The following VWA8 variants were observed in gnomAD, a reference collection of about 807,000 sequenced individuals.
VWA8 encodes the protein von Willebrand factor A domain-containing protein 8.
In VWA8, 221 loss-of-function variants were observed where a neutral mutation model predicts 241.5. That is an observed-to-expected ratio of 0.91 (90% confidence interval 0.82 to 1.02). The LOEUF is 1.02. Ranked by LOEUF, VWA8 falls within the 50% of genes least tolerant of loss-of-function variation. The pLI, the probability that VWA8 is intolerant of heterozygous loss-of-function variation, is 0.00. For synonymous variants in VWA8, 852 were observed against 827.1 expected, an observed-to-expected ratio of 1.03 and a Z score of -0.52; for missense variants, 2,322 against 2,328.7, an observed-to-expected ratio of 1.00 and a Z score of 0.06.
At chr13:41,639,504 T>G (rs2044781291) in intron 37 of VWA8, among the ~76,000 whole-genome samples, 1 of 152,220 alleles carries the variant, frequency 6.6e-6, no homozygotes, top group African/African-American at 2.4e-5. Context: ...TTTCTCCACC[T>G]GCTAACCTGT....
At chr13:41,691,791 T>A (rs2045179724) in intron 31 of VWA8, 83 bp downstream of exon 31, 2 of 1,112,754 alleles carry the variant, frequency 1.8e-6, no homozygotes, top group Non-Finnish European at 2.7e-6. Flanking sequence ...ATTCACTTTA[T>A]AGTAAACAAG....
At chr13:41,833,277 TA>T (rs772578842) in intron 13 of VWA8, 93 bp downstream of exon 13, 19 of 1,392,700 alleles carry the variant, frequency 1.4e-5, no homozygotes, top group Non-Finnish European at 1.6e-5. Flanking sequence ...CAACCCAGTT[TA>T]AAAAAAAGAA....
chr13:41,925,059 T>G (rs776219338), intron 2 of VWA8, among the ~76,000 whole-genome samples: 2 of 152,196 alleles, frequency 1.3e-5, no homozygotes, highest in Non-Finnish European at 2.9e-5. Flanking sequence ...ATTAGACTAT[T>G]AGATTTCTCT....
intron 2 of VWA8, among the ~76,000 whole-genome samples, chr13:41,919,956 A>G (rs2138124210): frequency 6.6e-6 from 1 of 152,252 alleles, no homozygotes; most frequent in Admixed American, 6.5e-5. Flanking sequence ...CAAATGGCCA[A>G]AGGGCCTTTC....
At chr13:41,748,689 C>G (rs2045629677) in intron 21 of VWA8, among the ~76,000 whole-genome samples, 1 of 152,082 alleles carries the variant, frequency 6.6e-6, no homozygotes. Flanking sequence ...GAACAGAGCC[C>G]TCAGAAATAA....
rs149755134 is a variant in VWA8, at chr13:41,883,806, T to G, written c.976-315A>C. Among the ~76,000 whole-genome samples the G allele has an allele frequency of 5.0e-3, 764 of 152,320 alleles. 3 individuals are homozygous for G. The highest frequency in any genetic ancestry group is 7.3e-3 in the Non-Finnish European group (495 of 68,016). ...CAATTGTTCATTACATGTGACTATA[T>G]GAATATCCCATAGACCCCCATTTGA... On this transcript the variant is annotated intron_variant, in intron 8 of 44. Transcript: ENST00000379310.
At chr13:41,586,186 C>T (rs1178830957) in intron 42 of VWA8, among the ~76,000 whole-genome samples, 1 of 151,206 alleles carries the variant, frequency 6.6e-6, no homozygotes, top group Non-Finnish European at 1.5e-5. Context: ...TCAAGGAAAA[C>T]TTATACCTGA....
chr13:41,845,213 C>T (rs1412849178), intron 12 of VWA8, among the ~76,000 whole-genome samples: 1 of 152,084 alleles, frequency 6.6e-6, no homozygotes, highest in Non-Finnish European at 1.5e-5. Context: ...CATCACTAAT[C>T]ATTAGAGAAA....
intron 37 of VWA8, among the ~76,000 whole-genome samples, chr13:41,662,476 T>C (rs141239359): frequency 2.0e-5 from 3 of 151,858 alleles, no homozygotes; most frequent in Admixed American, 1.3e-4. Flanking sequence ...ATATAATTGA[T>C]TTTTGGCTTC....
At chr13:41,863,455 T>TATATATATA (rs1566485517) in intron 12 of VWA8, among the ~76,000 whole-genome samples, 5 of 87,174 alleles carry the variant, frequency 5.7e-5, no homozygotes, top group African/African-American at 8.5e-5. Flanking sequence ...ATATATATAT[T>TATATATATA]CACACACACA....
At chr13:41,931,893 T>G (rs1462406238) in intron 2 of VWA8, among the ~76,000 whole-genome samples, 1 of 152,124 alleles carries the variant, frequency 6.6e-6, no homozygotes, top group East Asian at 1.9e-4. Flanking sequence ...TGGCTTCAGC[T>G]TCTGCCTTAA....
intron 42 of VWA8, among the ~76,000 whole-genome samples, chr13:41,585,549 G>C (rs1208898701): frequency 6.6e-6 from 1 of 152,116 alleles, no homozygotes; most frequent in Non-Finnish European, 1.5e-5. Flanking sequence ...TAGTACATTT[G>C]CTATGGTCTA....
intron 37 of VWA8, among the ~76,000 whole-genome samples, chr13:41,634,271 T>C (rs942342394): frequency 6.6e-6 from 1 of 152,180 alleles, no homozygotes; most frequent in Non-Finnish European, 1.5e-5. Flanking sequence ...TATTGCATTA[T>C]TATAATTCTT....
intron 17 of VWA8, among the ~76,000 whole-genome samples, chr13:41,799,035 C>T (rs1869830309): frequency 1.3e-5 from 2 of 152,128 alleles, no homozygotes; most frequent in African/African-American, 4.8e-5. Flanking sequence ...TCATTTTCTC[C>T]TCTATCACAG....
At chr13:41,701,221 T>G (rs1232855459) in intron 28 of VWA8, among the ~76,000 whole-genome samples, 171 bp downstream of exon 28, 3 of 152,222 alleles carry the variant, frequency 2.0e-5, no homozygotes, top group Non-Finnish European at 4.4e-5. Flanking sequence ...CAATAGCATT[T>G]TTTTAGGTTG....
chr13:41,740,893 T>A (rs1304660120), intron 21 of VWA8, among the ~76,000 whole-genome samples: 8 of 152,112 alleles, frequency 5.3e-5, no homozygotes, highest in African/African-American at 1.9e-4. Context: ...AAATACTTAA[T>A]ATATGGGTCA....
intron 8 of VWA8, among the ~76,000 whole-genome samples, chr13:41,885,085 C>T (rs972582261): frequency 1.3e-5 from 2 of 152,296 alleles, no homozygotes; most frequent in African/African-American, 4.8e-5. Context: ...AGTCTGGTCA[C>T]ATTCATAGCC....
rs10639837 is a variant in VWA8, at chr13:41,771,886, C to CTTTTT, written c.2349+6094_2349+6098dup. ...CATGAGCCACTGCACCCAGCAGGGA[C>CTTTTT]TTTTTTTTTTTTTTTTTTTTTGAGA... is the stretch of plus-strand genomic sequence containing the variant. On this transcript the variant is annotated intron_variant, in intron 20 of 44. Coordinates refer to ENST00000379310, the MANE Select transcript of VWA8 (RefSeq NM_015058.2). Among the ~76,000 whole-genome samples the CTTTTT allele has an allele frequency of 1.3e-3, 127 of 100,244 alleles. 4 individuals carry two copies. The highest frequency in any genetic ancestry group is 1.7e-3 in the Non-Finnish European group (89 of 51,224). The allele number at this position is 100,244 out of a possible 152,430, so 65.8% of individuals were successfully genotyped here.
In VWA8 at chr13:41,807,232, C is replaced by T. The variant is rs983591117; in HGVS notation, c.2063+3993G>A. ...AGCAAAGAAAAGCCTGGGCCCTGAT[C>T]GCTTGCCTGCTGAATTTGACCAAAC... On this transcript the variant is annotated intron_variant, in intron 17 of 44. Coordinates refer to ENST00000379310, the MANE Select transcript of VWA8 (RefSeq NM_015058.2). 5.9e-5 allele frequency among the ~76,000 whole-genome samples: 9 copies of T among 152,160 alleles called. 1 individual carries two copies. The highest frequency in any genetic ancestry group is 1.4e-4 in the African/African-American group (6 of 41,446).
Sources: allele counts gnomAD v4.1 joint callset (sites outside exome capture counted in the v4.1 genomes callset), GRCh38; gene constraint gnomAD v4.1.1; transcripts MANE v1.5; gene names NCBI Gene and HGNC (gene_info 2026-07-23, HGNC 2026-07-21).